Variants in SAMMSON observed in about 807,000 individuals in gnomAD.
SAMMSON encodes long intergenic non-protein coding RNA 1212.
At chr3:70,277,407 T>C (rs1236406819) in intron 6 of SAMMSON, among the ~76,000 whole-genome samples, 1 of 152,210 alleles carries the variant, frequency 6.6e-6, no homozygotes, top group Non-Finnish European at 1.5e-5. Flanking sequence ...TGATTATTTG[T>C]CAAAGTCACA....
intron 6 of SAMMSON, among the ~76,000 whole-genome samples, chr3:70,288,684 G>A (rs1467472044): frequency 6.6e-6 from 1 of 151,876 alleles, no homozygotes; most frequent in Non-Finnish European, 1.5e-5. Context: ...TTATTAATGT[G>A]TGGAAGTCTA....
intron 4 of SAMMSON, among the ~76,000 whole-genome samples, chr3:70,184,522 G>A (rs1456222856): frequency 6.6e-6 from 1 of 152,128 alleles, no homozygotes; most frequent in African/African-American, 2.4e-5. Flanking sequence ...TTACATAGAA[G>A]TTTATTATGA....
chr3:70,315,954 C>G (rs1382534311), intron 7 of SAMMSON, among the ~76,000 whole-genome samples: 1 of 152,080 alleles, frequency 6.6e-6, no homozygotes, highest in Non-Finnish European at 1.5e-5. Flanking sequence ...TAATTAATAA[C>G]CAGGGATGTG....
At chr3:70,062,188 C>A (rs901152481) in intron 3 of SAMMSON, among the ~76,000 whole-genome samples, 1 of 151,988 alleles carries the variant, frequency 6.6e-6, no homozygotes, top group African/African-American at 2.4e-5. Flanking sequence ...TTCATTCATG[C>A]CCATACAAAT....
intron 9 of SAMMSON, among the ~76,000 whole-genome samples, chr3:70,384,115 A>C (rs1010500349): frequency 6.6e-6 from 1 of 151,832 alleles, no homozygotes; most frequent in Non-Finnish European, 1.5e-5. Context: ...CAGAAAACAA[A>C]TTTGGAAAAA....
intron 4 of SAMMSON, among the ~76,000 whole-genome samples, chr3:70,236,070 C>A (rs114334690): frequency 6.6e-6 from 1 of 152,130 alleles, no homozygotes; most frequent in Non-Finnish European, 1.5e-5. Context: ...ATCTTTCCCA[C>A]GACCTTGGCT....
intron 2 of SAMMSON, among the ~76,000 whole-genome samples, chr3:70,403,025 T>C (rs1701153296): frequency 6.6e-6 from 1 of 152,128 alleles, no homozygotes; most frequent in Non-Finnish European, 1.5e-5. Context: ...GTATGGTCTG[T>C]ATGCTTTATA....
At chr3:70,101,676 G>T (rs1431033752) in intron 4 of SAMMSON, among the ~76,000 whole-genome samples, 3 of 152,068 alleles carry the variant, frequency 2.0e-5, no homozygotes, top group African/African-American at 7.2e-5. Context: ...CATCTGGAGA[G>T]CCTTTTACCT....
intron 4 of SAMMSON, among the ~76,000 whole-genome samples, chr3:70,184,377 C>G (rs1364615607): frequency 6.6e-6 from 1 of 152,118 alleles, no homozygotes; most frequent in Admixed American, 6.5e-5. Context: ...TCTTAGAGTG[C>G]TTTTTCCATA....
intron 4 of SAMMSON, among the ~76,000 whole-genome samples, chr3:70,239,251 C>T (rs1460011216): frequency 6.6e-6 from 1 of 152,114 alleles, no homozygotes; most frequent in African/African-American, 2.4e-5. Flanking sequence ...ATATTGTTAT[C>T]TTGATTTCAA....
intron 4 of SAMMSON, chr3:70,125,789 G>T: frequency 3.0e-6 from 2 of 656,966 alleles, no homozygotes; most frequent in East Asian, 2.7e-5. Flanking sequence ...CTCACATGGC[G>T]CTGCCTTATT....
chr3:70,019,983 C>G (rs1036332629), intron 3 of SAMMSON, among the ~76,000 whole-genome samples: 4 of 152,096 alleles, frequency 2.6e-5, no homozygotes, highest in Non-Finnish European at 5.9e-5. Context: ...TTCTTCAAGT[C>G]CAGAATCCAG....
chr3:70,007,514 G>C (rs1452556236), intron 1 of SAMMSON, among the ~76,000 whole-genome samples: 1 of 151,880 alleles, frequency 6.6e-6, no homozygotes, highest in Non-Finnish European at 1.5e-5. Flanking sequence ...ATGTAACTTT[G>C]TTTGAGTTCA....
At chr3:70,125,148 GCA>G in intron 4 of SAMMSON, 1 of 1,562,888 alleles carries the variant, frequency 6.4e-7, no homozygotes, top group East Asian at 2.2e-5. Context: ...TTTCCAAAAA[GCA>G]CATATCCATT....
chr3:70,110,885 C>T (rs1275151807), intron 4 of SAMMSON, among the ~76,000 whole-genome samples: 1 of 152,178 alleles, frequency 6.6e-6, no homozygotes, highest in Non-Finnish European at 1.5e-5. Flanking sequence ...TGGCAAGACA[C>T]TTCTCCCAGG....
intron 7 of SAMMSON, among the ~76,000 whole-genome samples, chr3:70,348,543 G>A (rs1702769600): frequency 6.6e-6 from 1 of 151,990 alleles, no homozygotes; most frequent in African/African-American, 2.4e-5. Flanking sequence ...CAATCCTAGG[G>A]GCTCCACCCG....
At chr3:70,020,927 AGT>A (rs1183795129) in intron 3 of SAMMSON, among the ~76,000 whole-genome samples, 1 of 152,172 alleles carries the variant, frequency 6.6e-6, no homozygotes, top group Admixed American at 6.5e-5. Context: ...AGTGCCAGAA[AGT>A]GAGAAAATGG....
intron 7 of SAMMSON, among the ~76,000 whole-genome samples, chr3:70,345,080 T>C (rs1022701490): frequency 7.2e-5 from 11 of 152,226 alleles, no homozygotes; most frequent in Non-Finnish European, 1.6e-4. Flanking sequence ...TAACAATCTA[T>C]ATCTATATGA....
At chr3:70,209,653 AG>A (rs1701324200) in intron 4 of SAMMSON, among the ~76,000 whole-genome samples, 1 of 152,042 alleles carries the variant, frequency 6.6e-6, no homozygotes, top group South Asian at 2.1e-4. Flanking sequence ...AGATTCCAAA[AG>A]CTTTGTGCTT....
Sources: allele counts gnomAD v4.1 joint callset (sites outside exome capture counted in the v4.1 genomes callset), GRCh38; gene constraint gnomAD v4.1.1; transcripts MANE v1.5; gene names NCBI Gene and HGNC (gene_info 2026-07-23, HGNC 2026-07-21).